SCMH1: variants seen among roughly 807,000 people sequenced by gnomAD.
The protein encoded by SCMH1 is polycomb protein SCMH1.
A neutral mutation model predicts 70.8 loss-of-function variants in SCMH1; 37 were observed. The ratio of observed to expected loss-of-function variants is 0.52; its 90% confidence interval spans 0.40 to 0.69. SCMH1 has a LOEUF of 0.69. Among genes scored for constraint, SCMH1 ranks in the 30% least tolerant of loss-of-function variants. The pLI, the probability that SCMH1 is intolerant of heterozygous loss-of-function variation, is 0.00. For synonymous variants in SCMH1, 292 were observed against 307.4 expected, an observed-to-expected ratio of 0.95 and a Z score of 0.52; for missense variants, 607 against 827.3, an observed-to-expected ratio of 0.73 and a Z score of 3.27.
chr1:41,200,065 T>C (rs1313616501), intron 1 of SCMH1, among the ~76,000 whole-genome samples: 1 of 152,214 alleles, frequency 6.6e-6, no homozygotes, highest in Non-Finnish European at 1.5e-5. Context: ...GTGTTATTAA[T>C]GCAAGGAAGG....
exon 15 of SCMH1, chr1:41,027,769 A>T (rs1571067460): frequency 6.0e-6 from 1 of 165,652 alleles, no homozygotes. Context: ...TAAAAAAGGT[A>T]GAGGTTTGCA....
chr1:41,115,211 A>G (rs1670171088), intron 7 of SCMH1, among the ~76,000 whole-genome samples: 2 of 152,216 alleles, frequency 1.3e-5, no homozygotes, highest in Admixed American at 6.5e-5. Flanking sequence ...GCTTATGCTG[A>G]TTGACATACC....
At chr1:41,126,066 C>T (rs1673110585) in intron 6 of SCMH1, among the ~76,000 whole-genome samples, 1 of 152,116 alleles carries the variant, frequency 6.6e-6, no homozygotes, top group Non-Finnish European at 1.5e-5. Flanking sequence ...CAGATATTCT[C>T]CAATTCAAAT....
At chr1:41,039,811 C>T (rs1324416092) in intron 12 of SCMH1, among the ~76,000 whole-genome samples, 1 of 152,068 alleles carries the variant, frequency 6.6e-6, no homozygotes, top group Non-Finnish European at 1.5e-5. Context: ...TTCTACAGAG[C>T]CCTGTGGAAC....
At position 41,142,923 on chromosome 1, in the gene SCMH1, T is replaced by C. The variant is rs111579488; in HGVS notation, c.367A>G (p.Ile123Val). 4.1e-4 allele frequency: 666 copies of C among 1,614,060 alleles called. 5 individuals are homozygous for C. The highest frequency in any genetic ancestry group is 1.6e-4 in the Non-Finnish European group (192 of 1,180,024). The change falls in exon 6 of 15, where the codon ATT (isoleucine) becomes GTT (valine). Residue 123 changes from isoleucine (I) to valine (V), a missense_variant. Physicochemically the swap from Ile to Val is conservative, Grantham distance 29. Around this residue, in one of 3 missense-constraint regions of SCMH1, gnomAD observed 105 missense variants for 214.5 expected, o/e 0.49. Transcript: ENST00000337495. ...CCCCCATTCTTTTCACAGTTCCCAA[T>C]AGGCTGGATTTCAGCTGAGTCAACC...
At chr1:41,125,581 T>G (rs564578642) in intron 6 of SCMH1, among the ~76,000 whole-genome samples, 15 of 151,974 alleles carry the variant, frequency 9.9e-5, no homozygotes, top group South Asian at 2.1e-4. Context: ...AACTTTAATT[T>G]TTTTTTTTTG....
intron 12 of SCMH1, among the ~76,000 whole-genome samples, chr1:41,044,909 TTC>T (rs1646709487): frequency 6.6e-6 from 1 of 152,178 alleles, no homozygotes; most frequent in East Asian, 1.9e-4. Flanking sequence ...ACCAGTATGT[TTC>T]TCTCACTTCT....
chr1:41,074,601 G>A (rs958823365), intron 9 of SCMH1, among the ~76,000 whole-genome samples: 4 of 151,946 alleles, frequency 2.6e-5, no homozygotes, highest in Admixed American at 1.3e-4. Context: ...TCTACACGCT[G>A]GACATCTACT....
intron 10 of SCMH1, among the ~76,000 whole-genome samples, chr1:41,063,211 C>A (rs12119426): frequency 6.6e-6 from 1 of 152,010 alleles, no homozygotes; most frequent in Non-Finnish European, 1.5e-5. Context: ...TGGTGGCTCA[C>A]GCCTGTAATC....
intron 1 of SCMH1, among the ~76,000 whole-genome samples, chr1:41,198,879 T>C (rs1429783059): frequency 6.6e-6 from 1 of 152,198 alleles, no homozygotes; most frequent in Non-Finnish European, 1.5e-5. Context: ...GAGAATGGTA[T>C]ATACTCCTAG....
intron 2 of SCMH1, 107 bp from the exon 3 acceptor site, chr1:41,161,539 G>A (rs536968256): frequency 1.9e-5 from 23 of 1,233,702 alleles, no homozygotes; most frequent in South Asian, 1.3e-4. Context: ...ATCCACTTCC[G>A]AGATTCTATG....
In SCMH1 at chr1:41,037,593, G is replaced by T. The variant is rs150008226; in HGVS notation, c.1499-52C>A. 1,891 of 1,534,090 alleles carry T rather than the reference G, an allele frequency of 1.2e-3. 13 individuals carry two copies. The East Asian group carries it at 0.016, about 13-fold the overall frequency. On this transcript the variant is annotated intron_variant, in intron 12 of 14. Transcript: ENST00000337495. ...AGCTTAGAAGGACTGCCAGAGTGCTGGCTCCCAGATACCTGTTTGAGTGGA... is the reference window on the plus strand; with the variant it reads ...AGCTTAGAAGGACTGCCAGAGTGCTTGCTCCCAGATACCTGTTTGAGTGGA...
At chr1:41,225,277 T>C (rs986417482) in intron 1 of SCMH1, among the ~76,000 whole-genome samples, 1 of 152,198 alleles carries the variant, frequency 6.6e-6, no homozygotes, top group African/African-American at 2.4e-5. Context: ...TCTTAGTATA[T>C]ATGTCATACT....
At chr1:41,230,659 TAA>T (rs61454170) in intron 1 of SCMH1, among the ~76,000 whole-genome samples, 4 of 135,586 alleles carry the variant, frequency 3.0e-5, no homozygotes, top group Admixed American at 1.5e-4. Flanking sequence ...CCCTATGTCT[TAA>T]AAAAAAAAAA....
At chr1:41,140,443 C>T (rs1313257583) in intron 6 of SCMH1, among the ~76,000 whole-genome samples, 1 of 152,084 alleles carries the variant, frequency 6.6e-6, no homozygotes, top group Non-Finnish European at 1.5e-5. Context: ...CAGGCACATG[C>T]CACAACACCC....
intron 2 of SCMH1, among the ~76,000 whole-genome samples, chr1:41,166,331 G>C (rs1167511159): frequency 6.6e-6 from 1 of 151,854 alleles, no homozygotes; most frequent in Non-Finnish European, 1.5e-5. Context: ...GGGATCCTTT[G>C]TGTCTCCCCC....
At chr1:41,127,665 A>G (rs1292828358) in intron 6 of SCMH1, among the ~76,000 whole-genome samples, 1 of 152,214 alleles carries the variant, frequency 6.6e-6, no homozygotes, top group Non-Finnish European at 1.5e-5. Flanking sequence ...AATCCTCAAT[A>G]TAACTGTACC....
chr1:41,093,867 T>G (rs1664350473), intron 8 of SCMH1, among the ~76,000 whole-genome samples: 1 of 152,252 alleles, frequency 6.6e-6, no homozygotes, highest in African/African-American at 2.4e-5. Flanking sequence ...AGCTTGAATT[T>G]TATCATTGCT....
intron 8 of SCMH1, among the ~76,000 whole-genome samples, chr1:41,103,950 C>T (rs1398641460): frequency 1.3e-5 from 2 of 152,182 alleles, no homozygotes; most frequent in Non-Finnish European, 2.9e-5. Context: ...TTGTGTACCA[C>T]AAGCATATAA....
Sources: gnomAD v4.1 joint callset for allele counts (sites outside exome capture counted in the v4.1 genomes callset) on GRCh38, gnomAD v4.1.1 for gene constraint, gnomAD v4.1.1 regional missense constraint, MANE v1.5 for transcripts, NCBI Gene and HGNC (gene_info 2026-07-23, HGNC 2026-07-21) for gene names.